CACNA1H: variants seen among roughly 807,000 people sequenced by gnomAD.
CACNA1H encodes voltage-dependent T-type calcium channel subunit alpha-1H.
CACNA1H carries 149 observed loss-of-function variants against 192.5 expected under a neutral mutation model. That is an observed-to-expected ratio of 0.77 (90% CI 0.68 to 0.89). CACNA1H has a LOEUF of 0.89. Ranked by LOEUF, CACNA1H falls within the 40% of genes least tolerant of loss-of-function variation. The pLI is 0.00. For synonymous variants in CACNA1H, 2,202 were observed against 1,475.2 expected (o/e 1.49, Z -11.29); for missense variants, 4,257 against 3,423.5 (o/e 1.24, Z -6.08).
intron 3 of CACNA1H, 87 bp from the exon 4 acceptor site, chr16:1,195,343 CTG>C (rs1205334054): frequency 5.6e-4 from 784 of 1,408,006 alleles, no homozygotes; most frequent in Non-Finnish European, 6.9e-4. Flanking sequence ...TGTGGCAAGA[CTG>C]GGGGCCGGGC....
intron 2 of CACNA1H, among the ~76,000 whole-genome samples, chr16:1,194,517 C>T (rs1405566246): frequency 5.3e-5 from 8 of 152,162 alleles, no homozygotes; most frequent in Non-Finnish European, 7.4e-5. Flanking sequence ...GGTTGCATGG[C>T]GGTGCCCCGA....
rs1967778046 is a variant in CACNA1H at position 1,200,824 on chromosome 16, A to AGTGTTCGCCATGAT, written c.1212+18_1212+31dup. 1.3e-6 allele frequency: 2 copies of AGTGTTCGCCATGAT among 1,522,696 alleles called. No individual in the cohort carries two copies. The highest frequency in any genetic ancestry group is 5.0e-5 in the East Asian group (2 of 39,612). 94.3% of individuals were successfully genotyped at this position (1,522,696 alleles called of 1,614,324 possible). A position where few individuals can be genotyped will look rare whatever the true frequency, so the allele number is the denominator to read the frequency against. ...GCTCATCATCGTGAGTGTGGGCGGC[A>AGTGTTCGCCATGAT]GTGTTCGCCATGATGGGCCCTGGTG... On this transcript the variant is annotated intron_variant, in intron 8 of 34. Coordinates refer to ENST00000348261, the MANE Select transcript of CACNA1H (RefSeq NM_021098.3).
At chr16:1,202,655 C>T (rs915260043) in intron 9 of CACNA1H, among the ~76,000 whole-genome samples, 1 of 152,140 alleles carries the variant, frequency 6.6e-6, no homozygotes, top group Non-Finnish European at 1.5e-5. Flanking sequence ...AGCAAGCTCC[C>T]GGTGGCCCAC....
At chr16:1,173,105 A>G (rs1450654342) in intron 2 of CACNA1H, among the ~76,000 whole-genome samples, 3 of 151,960 alleles carry the variant, frequency 2.0e-5, no homozygotes, top group African/African-American at 7.2e-5. Context: ...CCTTGTGGAT[A>G]TTGGGGTGTC....
chr16:1,194,314 C>T (rs1330568142), intron 2 of CACNA1H, among the ~76,000 whole-genome samples: 1 of 152,176 alleles, frequency 6.6e-6, no homozygotes, highest in Non-Finnish European at 1.5e-5. Flanking sequence ...TGGTGCTTTC[C>T]AAATGCCGGC....
chr16:1,197,974 C>T (rs34521940), intron 5 of CACNA1H, among the ~76,000 whole-genome samples: 1 of 152,100 alleles, frequency 6.6e-6, no homozygotes, highest in Admixed American at 6.5e-5. Context: ...AGTGCTACCT[C>T]CTGAAAAGCC....
intron 2 of CACNA1H, among the ~76,000 whole-genome samples, chr16:1,177,962 T>C (rs1965061201): frequency 6.6e-6 from 1 of 150,646 alleles, no homozygotes; most frequent in Admixed American, 6.6e-5. Context: ...CACCGCCCTT[T>C]CTCCCTGGGA....
At position 1,210,373 on chromosome 16, in the gene CACNA1H, C is replaced by G. The variant is rs769539864; in HGVS notation, c.3849C>G (p.Phe1283Leu). ...TCACCCGCCCCCGCCCACCCAGGTTCCGCGTCTCCTGCCAGAAGGTCATCA... is the reference window on the plus strand; with the variant it reads ...TCACCCGCCCCCGCCCACCCAGGTTGCGCGTCTCCTGCCAGAAGGTCATCA... ...ALYLFSPQNR[F>L]RVSCQKVITH... Residue 1283 changes from phenylalanine to leucine, a missense_variant, in exon 19 of 35, where the codon TTC becomes TTG. By Grantham distance (22) the Phe-to-Leu change is conservative. Coordinates refer to ENST00000348261, the MANE Select transcript of CACNA1H (RefSeq NM_021098.3). 1.4e-4 allele frequency: 91 copies of G among 667,630 alleles called. No individual in the cohort carries two copies. Among genetic ancestry groups the G allele is most frequent in the Non-Finnish European group, 2.1e-4 (90 of 425,446 alleles). 41.4% of individuals were successfully genotyped at this position (667,630 alleles called of 1,614,324 possible).
intron 12 of CACNA1H, chr16:1,206,785 CT>C: frequency 1.8e-6 from 1 of 543,438 alleles, no homozygotes; most frequent in Non-Finnish European, 3.3e-6. Flanking sequence ...TCTTGGTTCT[CT>C]CGCCTGTGGA....
In CACNA1H at chr16:1,153,800, C is replaced by A; in HGVS notation, c.63C>A (p.Gly21=). Reference sequence around the variant, plus strand: ...TGCCCCTGGGCGCGCCGCCCCCTGGCCCTGCGGCGTTGGTGGGGGCGTCCC... The same window carrying A: ...TGCCCCTGGGCGCGCCGCCCCCTGGACCTGCGGCGTTGGTGGGGGCGTCCC... ...VRVPLGAPPP[G]PAALVGASPE... Residue 21 remains glycine (G), a synonymous_variant, in exon 2 of 35, where the codon GGC becomes GGA. Transcript: ENST00000348261. 1 of 1,259,348 alleles carries A rather than the reference C, an allele frequency of 7.9e-7. No individual in the cohort carries two copies. The highest frequency in any genetic ancestry group is 3.1e-4 in the Middle Eastern group (1 of 3,178). 78.0% of individuals were successfully genotyped at this position (1,259,348 alleles called of 1,614,324 possible).
intron 10 of CACNA1H, 92 bp downstream of exon 10, chr16:1,204,550 C>A: frequency 9.8e-7 from 1 of 1,018,218 alleles, no homozygotes; most frequent in Non-Finnish European, 1.4e-6. Flanking sequence ...CGATGCCTGA[C>A]CTGATGGTAG....
chr16:1,195,594 G>T (rs377538101), intron 4 of CACNA1H, 29 bp downstream of exon 4: 5 of 1,573,894 alleles, frequency 3.2e-6, no homozygotes, highest in Middle Eastern at 2.1e-4. Context: ...AGGCCACAGC[G>T]CTGGCGAAGG....
chr16:1,211,226 A>G lies in CACNA1H; in HGVS notation c.4282A>G (p.Arg1428Gly). ...LVVETLISSL[R>G]PIGNIVLICC... ...GGTGGAGACGCTGATATCATCACTC[A>G]GGCCCATTGGGAACATCGTCCTCAT... The change falls in exon 22 of 35, where the codon AGG becomes GGG. Residue 1428 changes from arginine (R) to glycine (G), a missense_variant. Coordinates refer to ENST00000348261, the MANE Select transcript of CACNA1H (RefSeq NM_021098.3). 6.2e-7 allele frequency: 1 copy of G among 1,613,060 alleles called. No homozygotes were observed. The highest frequency in any genetic ancestry group is 8.5e-7 in the Non-Finnish European group (1 of 1,179,740).
intron 9 of CACNA1H, among the ~76,000 whole-genome samples, chr16:1,203,503 GC>G (rs1212981256): frequency 6.6e-6 from 1 of 152,112 alleles, no homozygotes; most frequent in African/African-American, 2.4e-5. Context: ...GGGTGTGTGT[GC>G]CCAGGTGTGT....
At chr16:1,160,108 A>C (rs2151642915) in intron 2 of CACNA1H, 1 of 152,368 alleles carries the variant, frequency 6.6e-6, no homozygotes, top group Admixed American at 6.5e-5. Flanking sequence ...CGCACAGTCA[A>C]GGTCAGGCGA....
intron 5 of CACNA1H, 72 bp from the exon 6 acceptor site, chr16:1,198,543 C>T (rs1245804419): frequency 6.4e-6 from 10 of 1,553,006 alleles, no homozygotes; most frequent in African/African-American, 2.7e-5. Context: ...TCGGGGGTCC[C>T]GGGAGGGGCT....
intron 2 of CACNA1H, among the ~76,000 whole-genome samples, chr16:1,184,534 C>T (rs772536643): frequency 2.6e-5 from 4 of 152,370 alleles, no homozygotes; most frequent in Admixed American, 6.5e-5. Flanking sequence ...GGAGGAGGCA[C>T]GGATGCCGCA....
intron 2 of CACNA1H, among the ~76,000 whole-genome samples, chr16:1,172,441 T>A (rs1964460736): frequency 6.6e-6 from 1 of 151,628 alleles, no homozygotes; most frequent in Admixed American, 6.6e-5. Flanking sequence ...GCCCTCACCC[T>A]GCCCTGGGCC....
Position 1,220,512 on chromosome 16 carries a change from G to GTGGAGCCCCCCCTGCATCTCGC in CACNA1H, c.6584_6585insGCCCCCCCTGCATCTCGCTGGA (p.Ala2198LeufsTer34). The GTGGAGCCCCCCCTGCATCTCGC allele has an allele frequency of 6.5e-7, 1 of 1,540,450 alleles. No individual in the cohort carries two copies. On this transcript the variant is annotated frameshift_variant, in exon 35 of 35. Coordinates refer to ENST00000348261, the MANE Select transcript of CACNA1H (RefSeq NM_021098.3). LOFTEE classifies it low-confidence loss of function (END_TRUNC). ...GAAGATGAGCCCCCCCTGCATCTCG[G>GTGGAGCCCCCCCTGCATCTCGC]TGGAACCCCCTGCGGAGGACGAGGG...
Sources: gnomAD v4.1 joint callset for allele counts (sites outside exome capture counted in the v4.1 genomes callset) on GRCh38, gnomAD v4.1.1 for gene constraint, MANE v1.5 for transcripts, NCBI Gene and HGNC (gene_info 2026-07-23, HGNC 2026-07-21) for gene names.